The following PDK4 variants were observed in gnomAD, a reference collection of about 807,000 sequenced individuals.
PDK4 encodes the protein pyruvate dehydrogenase kinase, isozyme 4.
A neutral mutation model predicts 51.7 loss-of-function variants in PDK4; 43 were observed. The ratio of observed to expected loss-of-function variants is 0.83; its 90% CI spans 0.65 to 1.07. PDK4 has a LOEUF of 1.07. Among genes scored for constraint, PDK4 ranks in the 50% least tolerant of loss-of-function variants. PDK4 has a pLI of 0.00. For missense variants in PDK4, 498 were observed against 503.5 expected (o/e 0.99, Z 0.10); for synonymous variants, 170 against 176.6 (o/e 0.96, Z 0.30).
rs914855050 is a variant in PDK4 at position 95,585,584 on chromosome 7, G to A, written c.*57C>T. On this transcript the variant is annotated 3_prime_UTR_variant, in exon 11 of 11. Coordinates refer to ENST00000005178, the MANE Select transcript of PDK4 (RefSeq NM_002612.4). ...CAAGGGTTCACACACAAACATTCAG[G>A]AAGCAGCACTGGTGTAGACCCACTT... The A allele has an allele frequency of 1.4e-6, 2 of 1,457,988 alleles. No individual in the cohort carries two copies. The highest frequency in any genetic ancestry group is 1.9e-6 in the Non-Finnish European group (2 of 1,072,506). 90.3% of individuals were successfully genotyped at this position (1,457,988 alleles called of 1,614,324 possible).
chr7:95,587,990 T>C (rs1467317127), intron 7 of PDK4, among the ~76,000 whole-genome samples, 165 bp from the exon 8 acceptor site: 1 of 152,192 alleles, frequency 6.6e-6, no homozygotes, highest in Non-Finnish European at 1.5e-5. Flanking sequence ...TATGAATGGG[T>C]CATGTAGGAT....
At position 95,595,085 on chromosome 7, in the gene PDK4, C is replaced by T. The variant is rs750530596; in HGVS notation, c.210G>A (p.Lys70=). The T allele has an allele frequency of 6.2e-7, 1 of 1,612,670 alleles. No homozygotes were observed. Among genetic ancestry groups the T allele is most frequent in the African/African-American group, 1.3e-5 (1 of 74,862 alleles). Reference sequence around the variant, plus strand: ...ATTGGGTCGGGAGGATATCAATTTCCTTCAGAATGTTGGCGAGTCTCACAG... The same window carrying T: ...ATTGGGTCGGGAGGATATCAATTTCTTTCAGAATGTTGGCGAGTCTCACAG... The part of the protein sequence containing the change: ...ELPVRLANIL[K]EIDILPTQLV... The change falls in exon 2 of 11, where the codon AAG becomes AAA. Residue 70 remains lysine (K), a synonymous_variant. Transcript: ENST00000005178.
At chr7:95,588,290 T>A (rs1335304094) in intron 7 of PDK4, among the ~76,000 whole-genome samples, 1 of 152,226 alleles carries the variant, frequency 6.6e-6, no homozygotes, top group East Asian at 1.9e-4. Context: ...GGACAGTCAA[T>A]AATTCTAAAT....
chr7:95,587,149 AAAG>A, intron 9 of PDK4, 26 bp from the exon 10 acceptor site: 2 of 1,337,256 alleles, frequency 1.5e-6, no homozygotes, highest in Non-Finnish European at 1.1e-6. Flanking sequence ...GTTATCAGGT[AAAG>A]AAGTGTATGT....
rs1692547942 is a variant in PDK4, at chr7:95,584,250, G to A, written c.*1391C>T. On this transcript the variant is annotated 3_prime_UTR_variant, in exon 11 of 11. Transcript: ENST00000005178. Reference sequence around the variant, plus strand: ...TTCCTCTTGCCAATGACATATCCCAGAAAATACAGATTTTTTTTGAAATAA... The same window carrying A: ...TTCCTCTTGCCAATGACATATCCCAAAAAATACAGATTTTTTTTGAAATAA... The A allele has an allele frequency of 6.6e-6, 1 of 152,050 alleles. No homozygotes were observed. Among genetic ancestry groups the A allele is most frequent in the Non-Finnish European group, 1.5e-5 (1 of 68,000 alleles). 9.4% of individuals were successfully genotyped at this position (152,050 alleles called of 1,614,324 possible). A position where few individuals can be genotyped will look rare whatever the true frequency, so the allele number is the denominator to read the frequency against.
Position 95,585,062 on chromosome 7 carries a change from A to G in PDK4, c.*579T>C, listed in dbSNP as rs1584119134. 1 of 152,266 alleles carries G rather than the reference A, an allele frequency of 6.6e-6. No individual in the cohort carries two copies. Among genetic ancestry groups the G allele is most frequent in the Non-Finnish European group, 1.5e-5 (1 of 68,042 alleles). The allele number at this position is 152,266 out of a possible 1,614,324, so 9.4% of individuals were successfully genotyped here. On this transcript the variant is annotated 3_prime_UTR_variant, in exon 11 of 11. Transcript: ENST00000005178. ...TGAATACAATGCTTTGAATTTTGAA[A>G]CACTTGAATAAAATGTTTGAATGCT... is the stretch of plus-strand genomic sequence containing the variant.
At chr7:95,592,416 A>G in intron 5 of PDK4, 95 bp downstream of exon 5, 1 of 775,782 alleles carries the variant, frequency 1.3e-6, no homozygotes, top group South Asian at 1.5e-5. Context: ...ACACTCTGTG[A>G]ATATAAATTC....
intron 7 of PDK4, 27 bp downstream of exon 7, chr7:95,589,613 A>C (rs2116714268): frequency 8.5e-7 from 1 of 1,177,512 alleles, no homozygotes; most frequent in East Asian, 2.4e-5. Context: ...TAAAAGGTAA[A>C]ATTTCAATTA....
chr7:95,587,368 CA>C (rs768353161), intron 9 of PDK4, 49 bp downstream of exon 9: 27 of 1,091,008 alleles, frequency 2.5e-5, no homozygotes, highest in Non-Finnish European at 2.6e-5. Flanking sequence ...CCTTGCTCTA[CA>C]TTTAGAACTA....
chr7:95,596,080 G>T, intron 1 of PDK4, 84 bp downstream of exon 1: 2 of 1,416,244 alleles, frequency 1.4e-6, no homozygotes, highest in African/African-American at 1.5e-5. Flanking sequence ...TTTAGCTTGA[G>T]CCTAGCCCTC....
chr7:95,596,287 C>T lies in PDK4; in HGVS notation c.7G>A (p.Ala3Thr), dbSNP rs907593359. Residue 3 changes from alanine to threonine, a missense_variant, in exon 1 of 11, where the codon GCG becomes ACG. By Grantham distance (58) the Ala-to-Thr change is moderately conservative. Transcript: ENST00000005178. The stretch of plus-strand genomic sequence containing the variant: ...GCGCTGCGCAGCACGAAGCGGGCCG[C>T]CTTCATCTTGACGCCCACCCGGCCT... Reference protein sequence around the residue: MKAARFVLRSAGS... With the variant: MKTARFVLRSAGS... The T allele has an allele frequency of 6.4e-7, 1 of 1,573,550 alleles. No individual in the cohort carries two copies. The highest frequency in any genetic ancestry group is 1.4e-5 in the African/African-American group (1 of 72,596).
chr7:95,592,939 A>G lies in PDK4; in HGVS notation c.350T>C (p.Val117Ala). The G allele has an allele frequency of 6.3e-7, 1 of 1,581,728 alleles. No homozygotes were observed. The highest frequency in any genetic ancestry group is 8.6e-7 in the Non-Finnish European group (1 of 1,160,128). Residue 117 changes from valine (V) to alanine (A), a missense_variant, in exon 4 of 11, where the codon GTA becomes GCA. By Grantham distance (64) the Val-to-Ala change is moderately conservative. Transcript: ENST00000005178. ...ATTTCGAACTTTGATGAGTGTATCT[A>G]CAAAGCTAAGCCACAATATTTATGG... ...PDDQKALSDFVDTLIKVRNRH... is the reference protein window; with the variant it reads ...PDDQKALSDFADTLIKVRNRH...
In PDK4 at chr7:95,596,152, G is replaced by A. The variant is rs776457203; in HGVS notation, c.130+12C>T. 1.0e-5 allele frequency: 16 copies of A among 1,598,488 alleles called. No individual in the cohort carries two copies. The African/African-American group carries it at 1.8e-4, about 18-fold the overall frequency. On this transcript the variant is annotated intron_variant, in intron 1 of 10. Transcript: ENST00000005178. ...CCCTAGGACCCAGCTTGGGCCCTGT[G>A]TCCCCTCTCACCAAAGTCCAGTAGC...
intron 6 of PDK4, among the ~76,000 whole-genome samples, chr7:95,590,346 A>G (rs757307387): frequency 2.0e-5 from 3 of 152,192 alleles, no homozygotes; most frequent in Non-Finnish European, 4.4e-5. Context: ...ATTAAATCTT[A>G]TATGTTAAAT....
At chr7:95,592,722 C>A (rs1280260312) in intron 4 of PDK4, 38 bp downstream of exon 4, 2 of 1,524,032 alleles carry the variant, frequency 1.3e-6, no homozygotes, top group Admixed American at 3.4e-5. Context: ...TATTCTACAC[C>A]CATGTCTATA....
Position 95,587,129 on chromosome 7 carries a change from G to A in PDK4, c.982-6C>T, listed in dbSNP as rs1791493288. 6.6e-7 allele frequency: 1 copy of A among 1,523,118 alleles called. No individual in the cohort carries two copies. The allele number at this position is 1,523,118 out of a possible 1,614,324, so 94.4% of individuals were successfully genotyped here. On this transcript the variant is annotated splice_polypyrimidine_tract_variant and splice_region_variant and intron_variant, in intron 9 of 10. Coordinates refer to ENST00000005178, the MANE Select transcript of PDK4 (RefSeq NM_002612.4). ...AAGCCGTAACCAAAACCAGCCTAGA[G>A]AAGAGAGACGTTATCAGGTAAAGAA...
Position 95,585,549 on chromosome 7 carries a change from T to G in PDK4, c.*92A>C. ...GGAGTTTTCGTTGCTGTCGTTTGTTTTGGAGGAAACAAGGGTTCACACACA... is the reference window on the plus strand; with the variant it reads ...GGAGTTTTCGTTGCTGTCGTTTGTTGTGGAGGAAACAAGGGTTCACACACA... On this transcript the variant is annotated 3_prime_UTR_variant, in exon 11 of 11. Coordinates refer to ENST00000005178, the MANE Select transcript of PDK4 (RefSeq NM_002612.4). 8.7e-7 allele frequency: 1 copy of G among 1,143,718 alleles called. No individual in the cohort carries two copies. Among genetic ancestry groups the G allele is most frequent in the East Asian group, 2.4e-5 (1 of 41,668 alleles). 70.8% of individuals were successfully genotyped at this position (1,143,718 alleles called of 1,614,324 possible).
intron 3 of PDK4, 30 bp from the exon 4 acceptor site, chr7:95,592,974 G>A (rs1458446600): frequency 1.4e-6 from 2 of 1,452,638 alleles, no homozygotes; most frequent in East Asian, 4.6e-5. Flanking sequence ...GTTAGTAAAA[G>A]TTCAAATACG....
rs1016854753 is a variant in PDK4, at chr7:95,585,787, A to C, written c.1096-6T>G. 6.3e-7 allele frequency: 1 copy of C among 1,577,982 alleles called. No homozygotes were observed. The highest frequency in any genetic ancestry group is 1.7e-5 in the Admixed American group (1 of 58,776). Reference sequence around the variant, plus strand: ...ATAGACTCAGAAGACAAAGCCTAAAAGAAAAGGGGGGAAAAACATGAGACC... The same window carrying C: ...ATAGACTCAGAAGACAAAGCCTAAACGAAAAGGGGGGAAAAACATGAGACC... On this transcript the variant is annotated splice_polypyrimidine_tract_variant and splice_region_variant and intron_variant, in intron 10 of 10. Coordinates refer to ENST00000005178, the MANE Select transcript of PDK4 (RefSeq NM_002612.4).
Sources: gnomAD v4.1 joint callset for allele counts (sites outside exome capture counted in the v4.1 genomes callset) on GRCh38, gnomAD v4.1.1 for gene constraint, MANE v1.5 for transcripts, NCBI Gene and HGNC (gene_info 2026-07-23, HGNC 2026-07-21) for gene names.